The following LPP variants were observed in gnomAD, a reference collection of about 807,000 sequenced individuals.
The protein encoded by LPP is LIM domain containing preferred translocation partner in lipoma, also known as lipoma-preferred partner.
Under a neutral mutation model 60.4 loss-of-function variants are expected in LPP, and 38 were observed. The ratio of observed to expected loss-of-function variants is 0.63; its 90% CI spans 0.49 to 0.83. The LOEUF (loss-of-function observed/expected upper bound fraction) is 0.83, where lower values mean the gene tolerates loss of function less well. LPP is among the 40% of genes least tolerant of loss of function. The pLI is 0.00. For missense variants in LPP, 902 were observed against 783.6 expected, an observed-to-expected ratio of 1.15 and a Z score of -1.80; for synonymous variants, 328 against 290.8, an observed-to-expected ratio of 1.13 and a Z score of -1.30.
intron 9 of LPP, among the ~76,000 whole-genome samples, chr3:188,864,637 G>A (rs927962004): frequency 6.6e-6 from 1 of 152,238 alleles, no homozygotes; most frequent in African/African-American, 2.4e-5. Context: ...CCTGTACCCT[G>A]AAAGGTCAAA....
chr3:188,240,404 A>G (rs558971277), intron 2 of LPP, among the ~76,000 whole-genome samples: 2 of 151,498 alleles, frequency 1.3e-5, no homozygotes, highest in East Asian at 2.0e-4. Context: ...AGAAAGAGGT[A>G]AAGAGGAACA....
chr3:188,481,792 C>T (rs1271681628), intron 4 of LPP, among the ~76,000 whole-genome samples: 1 of 152,130 alleles, frequency 6.6e-6, no homozygotes, highest in African/African-American at 2.4e-5. Context: ...AATATGATCT[C>T]CAAGATTTTG....
intron 7 of LPP, among the ~76,000 whole-genome samples, chr3:188,665,460 CTTTT>C (rs141063775): frequency 1.6e-5 from 1 of 61,642 alleles, no homozygotes; most frequent in African/African-American, 5.2e-5. Context: ...TCTTCTTCTT[CTTTT>C]TTTTTTTTTT....
In LPP at chr3:188,217,891, G is replaced by A. The variant is rs531395021; in HGVS notation, c.-189-7514G>A. 4.8e-4 allele frequency among the ~76,000 whole-genome samples: 73 copies of A among 152,132 alleles called. No individual in the cohort carries two copies. The highest frequency in any genetic ancestry group is 9.7e-4 in the Non-Finnish European group (66 of 68,034). ...CTTCCCAGCTGAGAGCTGTTGGAACGCCCCAAAATAAGCCCTGCAGAACGT... is the reference window on the plus strand; with the variant it reads ...CTTCCCAGCTGAGAGCTGTTGGAACACCCCAAAATAAGCCCTGCAGAACGT... On this transcript the variant is annotated intron_variant, in intron 1 of 11. Coordinates refer to ENST00000617246, the MANE Select transcript of LPP (RefSeq NM_001375462.1). The surrounding 1 kb of genome is among the most constrained non-coding windows in gnomAD (Gnocchi z 4.0).
intron 1 of LPP, among the ~76,000 whole-genome samples, chr3:188,208,915 G>A (rs1365670487): frequency 6.6e-6 from 1 of 152,216 alleles, no homozygotes; most frequent in African/African-American, 2.4e-5. Flanking sequence ...GGAATGCACA[G>A]TCATTTGTAA....
chr3:188,696,949 C>CCTCTAGAGTACACGAGAGTAT (rs1863374618), intron 7 of LPP, among the ~76,000 whole-genome samples: 1 of 152,182 alleles, frequency 6.6e-6, no homozygotes, highest in South Asian at 2.1e-4. Flanking sequence ...TAGTTTGCTA[C>CCTCTAGAGTACACGAGAGTAT]ACTGCTCGTG....
At chr3:188,243,375 A>G (rs899118691) in intron 2 of LPP, among the ~76,000 whole-genome samples, 3 of 152,170 alleles carry the variant, frequency 2.0e-5, no homozygotes, top group African/African-American at 7.2e-5. Flanking sequence ...ATTCTTTTCC[A>G]TCTTTGCTGT....
chr3:188,667,528 A>G (rs1856062091), intron 7 of LPP, among the ~76,000 whole-genome samples: 1 of 151,322 alleles, frequency 6.6e-6, no homozygotes. Flanking sequence ...CCCTTTTGAC[A>G]GCTCCCACCC....
intron 4 of LPP, among the ~76,000 whole-genome samples, chr3:188,475,112 G>C (rs780866762): frequency 6.6e-6 from 1 of 152,182 alleles, no homozygotes; most frequent in African/African-American, 2.4e-5. Context: ...ATACACTGAG[G>C]TGTCTCACAT....
At chr3:188,153,186 A>C (rs1715064002), upstream of LPP, 1 of 152,318 alleles carries the variant, frequency 6.6e-6, no homozygotes, top group Non-Finnish European at 1.5e-5. Flanking sequence ...TCAGGGCTAA[A>C]AGGGAGCCAG....
chr3:188,361,147 A>C (rs928027356), intron 3 of LPP, among the ~76,000 whole-genome samples: 7 of 152,210 alleles, frequency 4.6e-5, no homozygotes, highest in African/African-American at 1.7e-4. Context: ...AATGATACTC[A>C]TACCAATAGT....
At chr3:188,704,043 A>G (rs1864993301) in intron 7 of LPP, among the ~76,000 whole-genome samples, 1 of 152,156 alleles carries the variant, frequency 6.6e-6, no homozygotes, top group South Asian at 2.1e-4. Flanking sequence ...AATTAAAACA[A>G]CTTGCACCAT....
chr3:188,730,032 C>G (rs1167464677), intron 8 of LPP, among the ~76,000 whole-genome samples: 2 of 152,066 alleles, frequency 1.3e-5, no homozygotes, highest in East Asian at 3.9e-4. Flanking sequence ...CCAGATTCAA[C>G]TAAAAAATGG....
chr3:188,639,189 C>G (rs1290671832), intron 7 of LPP, among the ~76,000 whole-genome samples: 3 of 152,222 alleles, frequency 2.0e-5, no homozygotes, highest in Admixed American at 2.0e-4. Flanking sequence ...TGGAACAGAA[C>G]AGAGTCCTCA....
At chr3:188,466,813 A>ATATATG (rs1553906131) in intron 4 of LPP, among the ~76,000 whole-genome samples, 1 of 106,404 alleles carries the variant, frequency 9.4e-6, no homozygotes, top group Non-Finnish European at 1.9e-5. Context: ...GAACATATAT[A>ATATATG]TATATATATA....
chr3:188,448,427 A>G (rs74857221), intron 4 of LPP, among the ~76,000 whole-genome samples: 2 of 119,912 alleles, frequency 1.7e-5, no homozygotes, highest in East Asian at 2.5e-4. Context: ...TATTTAGATA[A>G]AGATATCTAT....
chr3:188,407,897 T>TCTCAGC (rs1388667766), intron 4 of LPP, among the ~76,000 whole-genome samples: 1 of 151,124 alleles, frequency 6.6e-6, no homozygotes, highest in Non-Finnish European at 1.5e-5. Flanking sequence ...TTCAAGTGAT[T>TCTCAGC]CTCAGCCTCA....
intron 7 of LPP, among the ~76,000 whole-genome samples, chr3:188,695,122 G>A (rs1463503298): frequency 6.6e-6 from 1 of 152,162 alleles, no homozygotes; most frequent in Non-Finnish European, 1.5e-5. Context: ...CACTGGTGAT[G>A]AAATAAGTTA....
chr3:188,474,626 T>G (rs1802718158), intron 4 of LPP, among the ~76,000 whole-genome samples: 1 of 152,254 alleles, frequency 6.6e-6, no homozygotes, highest in Non-Finnish European at 1.5e-5. Context: ...CTGTCAGCAC[T>G]CTGATATTTG....
Sources: gnomAD v4.1 joint callset for allele counts (sites outside exome capture counted in the v4.1 genomes callset) on GRCh38, gnomAD v4.1.1 for gene constraint, Gnocchi (gnomAD v3.1) non-coding constraint, MANE v1.5 for transcripts, NCBI Gene and HGNC (gene_info 2026-07-23, HGNC 2026-07-21) for gene names.